RNPEPL1: variants seen among roughly 807,000 people sequenced by gnomAD.
The protein encoded by RNPEPL1 is arginyl aminopeptidase like 1.
A neutral mutation model predicts 69.0 loss-of-function variants in RNPEPL1; 46 were observed. The ratio of observed to expected loss-of-function variants is 0.67; its 90% CI spans 0.53 to 0.85. The LOEUF is 0.85. Ranked by LOEUF, RNPEPL1 falls within the 40% of genes least tolerant of loss-of-function variation. The probability of loss-of-function intolerance (pLI) is 0.00; values close to 1 mark genes in which losing one functional copy is unlikely to be tolerated. For synonymous variants in RNPEPL1, 525 were observed against 454.1 expected, an observed-to-expected ratio of 1.16 and a Z score of -1.98; for missense variants, 869 against 992.5, an observed-to-expected ratio of 0.88 and a Z score of 1.67.
intron 2 of RNPEPL1, 30 bp from the exon 3 acceptor site, chr2:240,573,080 C>A: frequency 6.4e-7 from 1 of 1,562,298 alleles, no homozygotes; most frequent in Non-Finnish European, 8.7e-7. Context: ...GACGGTGGGG[C>A]CACCCGGTCT....
intron 6 of RNPEPL1, 148 bp from the exon 7 acceptor site, chr2:240,574,882 A>T: frequency 1.4e-6 from 1 of 720,108 alleles, no homozygotes; most frequent in South Asian, 1.6e-5. Context: ...CTGCCGCTGC[A>T]CGCCCAGGGC....
In RNPEPL1 at chr2:240,576,695, C is replaced by T. The variant is rs190924928; in HGVS notation, c.1671C>T (p.Ile557=). Residue 557 remains isoleucine (I), a synonymous_variant, in exon 9 of 11, where the codon ATC becomes ATT. Transcript: ENST00000270357. Reference sequence around the variant, plus strand: ...CTGCCTCGGCCAGCGCCATTGACATCTCCAAGTGGAGGACCTTCCAGACAG... The same window carrying T: ...CTGCCTCGGCCAGCGCCATTGACATTTCCAAGTGGAGGACCTTCCAGACAG... ...QAAASASAID[I]SKWRTFQTAL... 1.2e-6 allele frequency: 2 copies of T among 1,613,040 alleles called. No individual in the cohort carries two copies. Among genetic ancestry groups the T allele is most frequent in the East Asian group, 4.5e-5 (2 of 44,868 alleles).
chr2:240,578,145 C>T lies in RNPEPL1; in HGVS notation c.*253C>T. 2.6e-6 allele frequency: 1 copy of T among 386,368 alleles called. No homozygotes were observed. The highest frequency in any genetic ancestry group is 3.8e-5 in the East Asian group (1 of 26,600). The allele number at this position is 386,368 out of a possible 1,614,324, so 23.9% of individuals were successfully genotyped here. ...CTGGGGCCAGCCCGCACACACCATG[C>T]CTCCTGTCTCAACACTGACAGCTGT... On this transcript the variant is annotated 3_prime_UTR_variant, in exon 11 of 11. Coordinates refer to ENST00000270357, the MANE Select transcript of RNPEPL1 (RefSeq NM_018226.6).
intron 6 of RNPEPL1, 101 bp downstream of exon 6, chr2:240,574,729 C>T (rs2093032809): frequency 9.2e-7 from 1 of 1,082,998 alleles, no homozygotes; most frequent in Non-Finnish European, 1.4e-6. Flanking sequence ...CTCTGTCCTG[C>T]ACTGTGCCTG....
chr2:240,573,982 T>C, intron 4 of RNPEPL1, 91 bp downstream of exon 4: 6 of 1,371,192 alleles, frequency 4.4e-6, no homozygotes, highest in Non-Finnish European at 6.0e-6. Context: ...CCTGTCCCCA[T>C]CTCCTGGGGA....
Position 240,568,716 on chromosome 2 carries a change from C to A in RNPEPL1, c.130C>A (p.Leu44Met). The A allele has an allele frequency of 9.3e-7, 1 of 1,074,264 alleles. No homozygotes were observed. The highest frequency in any genetic ancestry group is 1.1e-6 in the Non-Finnish European group (1 of 881,230). The allele number at this position is 1,074,264 out of a possible 1,614,324, so 66.5% of individuals were successfully genotyped here. Reference sequence around the variant, plus strand: ...CGCGCAGCTCTTCCGCCTCCGCCACCTGCAGCTGGGCCTGGAGCTGCGGCC... The same window carrying A: ...CGCGCAGCTCTTCCGCCTCCGCCACATGCAGCTGGGCCTGGAGCTGCGGCC... ...SSAQLFRLRH[L>M]QLGLELRPEA... The change falls in exon 1 of 11, where the codon CTG (leucine) becomes ATG (methionine). Residue 44 changes from leucine (L) to methionine (M), a missense_variant. Leu to Met is a conservative substitution (Grantham distance 15). Coordinates refer to ENST00000270357, the MANE Select transcript of RNPEPL1 (RefSeq NM_018226.6). The surrounding 1 kb of genome is among the most constrained non-coding windows in gnomAD (Gnocchi z 6.2).
chr2:240,574,859 C>T, intron 6 of RNPEPL1, 171 bp from the exon 7 acceptor site: 1 of 672,720 alleles, frequency 1.5e-6, no homozygotes, highest in South Asian at 1.7e-5. Context: ...AGTCCTCAGT[C>T]TTCCCCGAGG....
Position 240,574,231 on chromosome 2 carries a change from C to G in RNPEPL1, c.1057C>G (p.His353Asp). The G allele has an allele frequency of 6.2e-7, 1 of 1,613,332 alleles. No individual in the cohort carries two copies. Reference protein sequence around the residue: ...SDEFLVIDVIHEVAHSWFGNA... With the variant: ...SDEFLVIDVIDEVAHSWFGNA... ...TGAGTTCCTGGTCATCGATGTCATCCACGAGGTGGCCCACAGTTGGTTCGG... is the reference window on the plus strand; with the variant it reads ...TGAGTTCCTGGTCATCGATGTCATCGACGAGGTGGCCCACAGTTGGTTCGG... Residue 353 changes from histidine (H) to aspartate (D), a missense_variant, in exon 5 of 11, where the codon CAC (histidine) becomes GAC (aspartate). This residue lies in a region of RNPEPL1 where 610 missense variants were observed against 790.9 expected (regional missense o/e 0.77). Coordinates refer to ENST00000270357, the MANE Select transcript of RNPEPL1 (RefSeq NM_018226.6).
intron 2 of RNPEPL1, 49 bp downstream of exon 2, chr2:240,572,612 G>GCCTGGCCACGCCTGGGCTGT: frequency 6.5e-7 from 1 of 1,530,840 alleles, no homozygotes; most frequent in East Asian, 2.4e-5. Context: ...CAGCCCAGTG[G>GCCTGGCCACGCCTGGGCTGT]CCTGGCCACG....
intron 8 of RNPEPL1, 153 bp from the exon 9 acceptor site, chr2:240,576,382 G>A (rs972160207): frequency 3.0e-6 from 2 of 664,628 alleles, no homozygotes; most frequent in African/African-American, 1.8e-5. Context: ...GGCAGTGCTG[G>A]CTGGAGCTGA....
chr2:240,580,462 C>T lies in RNPEPL1; in HGVS notation c.*2570C>T, dbSNP rs1335282883. 1 of 152,294 alleles carries T rather than the reference C, an allele frequency of 6.6e-6. No homozygotes were observed. The highest frequency in any genetic ancestry group is 2.4e-5 in the African/African-American group (1 of 41,430). 9.4% of individuals were successfully genotyped at this position (152,294 alleles called of 1,614,324 possible). Reference sequence around the variant, plus strand: ...ATGCTCCAGCCACACAACTATGAAGCGCAGACGTCTCACACAACAAAGCTT... The same window carrying T: ...ATGCTCCAGCCACACAACTATGAAGTGCAGACGTCTCACACAACAAAGCTT... On this transcript the variant is annotated 3_prime_UTR_variant, in exon 11 of 11. Coordinates refer to ENST00000270357, the MANE Select transcript of RNPEPL1 (RefSeq NM_018226.6).
At chr2:240,572,322 C>T in intron 1 of RNPEPL1, 101 bp from the exon 2 acceptor site, 1 of 1,358,042 alleles carries the variant, frequency 7.4e-7, no homozygotes, top group Non-Finnish European at 9.9e-7. Context: ...GGCCATTGTC[C>T]CCTCCCAGAG....
At chr2:240,574,660 T>C (rs1451804791) in intron 6 of RNPEPL1, 32 bp downstream of exon 6, 4 of 1,553,010 alleles carry the variant, frequency 2.6e-6, no homozygotes, top group Non-Finnish European at 3.5e-6. Context: ...CTCCCACAAC[T>C]GGGGATGTCA....
chr2:240,575,075 G>A lies in RNPEPL1; in HGVS notation c.1334G>A (p.Gly445Asp). The change falls in exon 7 of 11, where the codon GGC becomes GAC. Residue 445 changes from glycine to aspartate, a missense_variant. Physicochemically the swap from Gly to Asp is moderately conservative, Grantham distance 94. Transcript: ENST00000270357. Reference protein sequence around the residue: ...HLMNLFTYEKGYCFVYYLSQL... With the variant: ...HLMNLFTYEKDYCFVYYLSQL... ...ATGAACCTGTTCACCTACGAGAAGG[G>A]CTACTGCTTCGTGTACTACCTGTCC... The A allele has an allele frequency of 6.2e-7, 1 of 1,613,858 alleles. No homozygotes were observed. Among genetic ancestry groups the A allele is most frequent in the Non-Finnish European group, 8.5e-7 (1 of 1,180,022 alleles).
rs2093029663 is a variant in RNPEPL1 at position 240,573,825 on chromosome 2, T to C, written c.872T>C (p.Leu291Pro). 1 of 1,552,444 alleles carries C rather than the reference T, an allele frequency of 6.4e-7. No homozygotes were observed. The highest frequency in any genetic ancestry group is 1.4e-5 in the African/African-American group (1 of 73,156). The change falls in exon 4 of 11, where the codon CTG becomes CCG. Residue 291 changes from leucine (L) to proline (P), a missense_variant. Around this residue, in one of 2 missense-constraint regions of RNPEPL1, gnomAD observed 610 missense variants for 790.9 expected, o/e 0.77. Coordinates refer to ENST00000270357, the MANE Select transcript of RNPEPL1 (RefSeq NM_018226.6). ...PCLLPTATSKLSGAVEQWLSA... is the reference protein window; with the variant it reads ...PCLLPTATSKPSGAVEQWLSA... ...CTCCTGCCCACGGCCACCAGCAAGC[T>C]GTCGGGCGCAGTGGAGCAGTGGCTG...
Position 240,569,100 on chromosome 2 carries a change from A to C in RNPEPL1, c.514A>C (p.Thr172Pro). 2 of 1,497,880 alleles carry C rather than the reference A, an allele frequency of 1.3e-6. No individual in the cohort carries two copies. Among genetic ancestry groups the C allele is most frequent in the Non-Finnish European group, 1.8e-6 (2 of 1,130,156 alleles). The allele number at this position is 1,497,880 out of a possible 1,614,324, so 92.8% of individuals were successfully genotyped here. A position where few individuals can be genotyped will look rare whatever the true frequency, so the allele number is the denominator to read the frequency against. The change falls in exon 1 of 11, where the codon ACC (threonine) becomes CCC (proline). Residue 172 changes from threonine to proline, a missense_variant. Thr to Pro is a conservative substitution (Grantham distance 38). Transcript: ENST00000270357. ...PFQVILRYTS[T>P]DAPAIWWLDP... ...CCAGGTCATCCTGCGGTACACCTCG[A>C]CCGACGCCCCCGCCGTGAGTCCGGG...
rs1260202648 is a variant in RNPEPL1 at position 240,578,536 on chromosome 2, C to T, written c.*644C>T. ...CAGGGAGAGTGTGGGGACAGGACAGCCTGTCTCTTGTAGCTTCCTGGGGTG... is the reference window on the plus strand; with the variant it reads ...CAGGGAGAGTGTGGGGACAGGACAGTCTGTCTCTTGTAGCTTCCTGGGGTG... On this transcript the variant is annotated 3_prime_UTR_variant, in exon 11 of 11. Transcript: ENST00000270357. 1 of 152,438 alleles carries T rather than the reference C, an allele frequency of 6.6e-6. No individual in the cohort carries two copies. The highest frequency in any genetic ancestry group is 1.5e-5 in the Non-Finnish European group (1 of 68,160). 9.4% of individuals were successfully genotyped at this position (152,438 alleles called of 1,614,324 possible). A position where few individuals can be genotyped will look rare whatever the true frequency, so the allele number is the denominator to read the frequency against.
At chr2:240,572,730 A>G (rs1209942526) in intron 2 of RNPEPL1, among the ~76,000 whole-genome samples, 167 bp downstream of exon 2, 2 of 152,200 alleles carry the variant, frequency 1.3e-5, no homozygotes, top group African/African-American at 4.8e-5. Flanking sequence ...GCCGCTTTGC[A>G]GGGAACGGGG....
At chr2:240,570,176 G>A (rs1283805795) in intron 1 of RNPEPL1, among the ~76,000 whole-genome samples, 1 of 152,234 alleles carries the variant, frequency 6.6e-6, no homozygotes, top group African/African-American at 2.4e-5. Flanking sequence ...GCCTTGATCC[G>A]TGTTTGGAGC....
Sources: allele counts gnomAD v4.1 joint callset (sites outside exome capture counted in the v4.1 genomes callset), GRCh38; gene constraint gnomAD v4.1.1; regional missense constraint gnomAD v4.1.1; non-coding constraint Gnocchi (gnomAD v3.1); transcripts MANE v1.5; gene names NCBI Gene and HGNC (gene_info 2026-07-23, HGNC 2026-07-21).